The following SEPTIN12 variants were observed in gnomAD, a reference collection of about 807,000 sequenced individuals.
SEPTIN12 encodes septin 12.
In SEPTIN12, 42 loss-of-function variants were observed where a neutral mutation model predicts 37.7. The observed-to-expected ratio is 1.11, with a 90% CI of 0.87 to 1.44. SEPTIN12 has a LOEUF of 1.44. SEPTIN12 is among the 40% of genes most tolerant of loss of function. SEPTIN12 has a pLI of 0.00. For missense variants in SEPTIN12, 613 were observed against 479.2 expected (o/e 1.28, Z -2.61); for synonymous variants, 254 against 196.7 (o/e 1.29, Z -2.44).
Position 4,783,747 on chromosome 16 carries a change from C to T in SEPTIN12, c.532G>A (p.Glu178Lys), listed in dbSNP as rs1418391723. 1.2e-6 allele frequency: 2 copies of T among 1,613,880 alleles called. No individual in the cohort carries two copies. The highest frequency in any genetic ancestry group is 1.7e-6 in the Non-Finnish European group (2 of 1,179,980). Residue 178 changes from glutamate (E) to lysine (K), a missense_variant, in exon 6 of 10, where the codon GAG becomes AAG. Glu to Lys is a moderately conservative substitution (Grantham distance 56, BLOSUM62 1). Coordinates refer to ENST00000268231, the MANE Select transcript of SEPTIN12 (RefSeq NM_144605.5). ...TGHCLRPLDI[E>K]FLQRLCRTVN... ...GTCCGGCACAGCCGCTGCAGGAACT[C>T]AATGTCCAGGGGCCGCAGGCTGCCG...
At chr16:4,782,609 A>AC (rs972593918) in intron 7 of SEPTIN12, among the ~76,000 whole-genome samples, 21 of 150,238 alleles carry the variant, frequency 1.4e-4, no homozygotes, top group African/African-American at 4.9e-4. Context: ...CTTCCACAGC[A>AC]CTTTTTTTTT....
chr16:4,787,286 C>T (rs555756240), intron 2 of SEPTIN12, among the ~76,000 whole-genome samples, 194 bp downstream of exon 2: 183 of 152,256 alleles, frequency 1.2e-3, no homozygotes, highest in African/African-American at 4.3e-3. Flanking sequence ...TGTGAGCCAC[C>T]GCTCCAGGCA....
upstream of SEPTIN12, among the ~76,000 whole-genome samples, chr16:4,789,736 G>C (rs2082521299): frequency 6.6e-6 from 1 of 151,952 alleles, no homozygotes; most frequent in Non-Finnish European, 1.5e-5. Context: ...TGAGATTACA[G>C]ACGTGAACCA....
chr16:4,783,383 G>A (rs756979310), intron 7 of SEPTIN12, 79 bp downstream of exon 7: 2 of 1,064,858 alleles, frequency 1.9e-6, no homozygotes, highest in Non-Finnish European at 2.9e-6. Context: ...CTGAGATGTA[G>A]AGAAAGATGA....
rs536569399 is a variant in SEPTIN12, at chr16:4,783,401, G to C, written c.726+61C>G. On this transcript the variant is annotated intron_variant, in intron 7 of 9. Transcript: ENST00000268231. ...AGATGTAGAGAAAGATGAGTCTTTG[G>C]ATGGAAAGGATGTGTGGGAAGGAAA... 3 of 1,211,926 alleles carry C rather than the reference G, an allele frequency of 2.5e-6. No individual in the cohort carries two copies. The African/African-American group carries it at 4.5e-5, about 18-fold the overall frequency. 75.1% of individuals were successfully genotyped at this position (1,211,926 alleles called of 1,614,324 possible).
At chr16:4,785,267 G>C (rs1347367362) in intron 4 of SEPTIN12, among the ~76,000 whole-genome samples, 3 of 148,566 alleles carry the variant, frequency 2.0e-5, no homozygotes, top group African/African-American at 5.0e-5. Flanking sequence ...AAAAAAATTA[G>C]CCGGAAATTG....
chr16:4,783,064 C>T (rs1708085072), intron 7 of SEPTIN12, among the ~76,000 whole-genome samples: 1 of 151,934 alleles, frequency 6.6e-6, no homozygotes, highest in African/African-American at 2.4e-5. Flanking sequence ...TGCACCACCA[C>T]ACCCAGCCAA....
chr16:4,788,064 C>A (rs370602417), intron 1 of SEPTIN12: 175 of 173,304 alleles, frequency 1.0e-3, no homozygotes, highest in African/African-American at 4.0e-3. Flanking sequence ...CCCGTCCCAG[C>A]AGGAAACTTG....
intron 5 of SEPTIN12, 26 bp downstream of exon 5, chr16:4,783,905 T>G: frequency 6.2e-7 from 1 of 1,613,778 alleles, no homozygotes; most frequent in Non-Finnish European, 8.5e-7. Flanking sequence ...CAGGTGGTCC[T>G]CGCCTTGCAG....
At chr16:4,789,112 G>C (rs1241791165), upstream of SEPTIN12, among the ~76,000 whole-genome samples, 1 of 152,136 alleles carries the variant, frequency 6.6e-6, no homozygotes, top group Non-Finnish European at 1.5e-5. Context: ...TCCGCCTCCT[G>C]GGTTCAAGCA....
At chr16:4,787,286 C>G (rs555756240) in intron 2 of SEPTIN12, among the ~76,000 whole-genome samples, 194 bp downstream of exon 2, 2 of 152,138 alleles carry the variant, frequency 1.3e-5, no homozygotes, top group Non-Finnish European at 2.9e-5. Flanking sequence ...TGTGAGCCAC[C>G]GCTCCAGGCA....
At chr16:4,781,013 C>G (rs2082366181) in intron 7 of SEPTIN12, among the ~76,000 whole-genome samples, 1 of 152,078 alleles carries the variant, frequency 6.6e-6, no homozygotes, top group South Asian at 2.1e-4. Context: ...ATAATCCCAG[C>G]ACTTTGGGAG....
chr16:4,783,017 C>T (rs2082389134), intron 7 of SEPTIN12, among the ~76,000 whole-genome samples: 1 of 152,096 alleles, frequency 6.6e-6, no homozygotes, highest in South Asian at 2.1e-4. Flanking sequence ...TCAAAATTCT[C>T]CCGCTTCAGC....
chr16:4,787,071 TC>T (rs1420205658), intron 2 of SEPTIN12, among the ~76,000 whole-genome samples: 1 of 152,102 alleles, frequency 6.6e-6, no homozygotes, highest in African/African-American at 2.4e-5. Context: ...AGACGGAGTT[TC>T]CCCATGTTGG....
In SEPTIN12 at chr16:4,783,631, C is replaced by T. The variant is rs757693790; in HGVS notation, c.630+18G>A. 6.2e-7 allele frequency: 1 copy of T among 1,612,672 alleles called. No individual in the cohort carries two copies. The highest frequency in any genetic ancestry group is 8.5e-7 in the Non-Finnish European group (1 of 1,178,802). ...TCTGCCCCCGCTGACCCCAGCCCTGCCCGGGCATCCAGATCACCCTGCGCC... is the reference window on the plus strand; with the variant it reads ...TCTGCCCCCGCTGACCCCAGCCCTGTCCGGGCATCCAGATCACCCTGCGCC... On this transcript the variant is annotated intron_variant, in intron 6 of 9. Coordinates refer to ENST00000268231, the MANE Select transcript of SEPTIN12 (RefSeq NM_144605.5).
At chr16:4,781,626 G>A (rs903015499) in intron 7 of SEPTIN12, among the ~76,000 whole-genome samples, 7 of 151,554 alleles carry the variant, frequency 4.6e-5, no homozygotes, top group Admixed American at 4.6e-4. Context: ...GCAGGCAGGT[G>A]ACAGGGTGAC....
In SEPTIN12 at chr16:4,783,773, G is replaced by C. The variant is rs759827611; in HGVS notation, c.513-7C>G. On this transcript the variant is annotated splice_region_variant and splice_polypyrimidine_tract_variant and intron_variant, in intron 5 of 9. Transcript: ENST00000268231. Reference sequence around the variant, plus strand: ...AATGTCCAGGGGCCGCAGGCTGCCGGAGGCAGGGCAGTGATGGGGGTGGCG... The same window carrying C: ...AATGTCCAGGGGCCGCAGGCTGCCGCAGGCAGGGCAGTGATGGGGGTGGCG... 3 of 1,613,310 alleles carry C rather than the reference G, an allele frequency of 1.9e-6. No individual in the cohort carries two copies. The East Asian group carries it at 6.7e-5, about 36-fold the overall frequency.
intron 5 of SEPTIN12, 71 bp from the exon 6 acceptor site, chr16:4,783,837 G>A: frequency 6.3e-7 from 1 of 1,598,544 alleles, no homozygotes; most frequent in Non-Finnish European, 8.6e-7. Flanking sequence ...CAGGGCACGG[G>A]GGTGGGGGCA....
intron 8 of SEPTIN12, among the ~76,000 whole-genome samples, chr16:4,778,489 A>C (rs1463174964): frequency 6.6e-6 from 1 of 152,194 alleles, no homozygotes; most frequent in Non-Finnish European, 1.5e-5. Flanking sequence ...CATGGGTGCT[A>C]TATCATAGGC....
Sources: gnomAD v4.1 joint callset for allele counts (sites outside exome capture counted in the v4.1 genomes callset) on GRCh38, gnomAD v4.1.1 for gene constraint, MANE v1.5 for transcripts, NCBI Gene and HGNC (gene_info 2026-07-23, HGNC 2026-07-21) for gene names.